Variants in CFAP44 observed in about 807,000 individuals in gnomAD.
CFAP44 encodes the protein cilia and flagella associated protein 44.
In CFAP44, 134 loss-of-function variants were observed where a neutral mutation model predicts 216.2. The ratio of observed to expected loss-of-function variants is 0.62; its 90% CI spans 0.54 to 0.72. The LOEUF (loss-of-function observed/expected upper bound fraction) is 0.72, where lower values mean the gene tolerates loss of function less well. Among genes scored for constraint, CFAP44 ranks in the 30% least tolerant of loss-of-function variants. The pLI is 0.00. For synonymous variants in CFAP44, 700 were observed against 727.6 expected, an observed-to-expected ratio of 0.96 and a Z score of 0.61; for missense variants, 2,035 against 2,182.1, an observed-to-expected ratio of 0.93 and a Z score of 1.34.
chr3:113,293,839 C>T, intron 34 of CFAP44: 1 of 313,824 alleles, frequency 3.2e-6, no homozygotes, highest in East Asian at 8.2e-5. Flanking sequence ...ACCAGTGATT[C>T]TTAAACTCTA....
At chr3:113,348,180 C>T (rs1434002245) in intron 22 of CFAP44, among the ~76,000 whole-genome samples, 1 of 152,128 alleles carries the variant, frequency 6.6e-6, no homozygotes, top group African/African-American at 2.4e-5. Context: ...GGTCCAGGGA[C>T]CATTGCAGGT....
chr3:113,425,885 A>G, intron 4 of CFAP44: 1 of 427,152 alleles, frequency 2.3e-6, no homozygotes, highest in East Asian at 3.6e-5. Context: ...AAGGTAGTAA[A>G]TAGTTTTTGC....
At chr3:113,353,117 G>C (rs1950460496) in intron 22 of CFAP44, among the ~76,000 whole-genome samples, 1 of 152,164 alleles carries the variant, frequency 6.6e-6, no homozygotes, top group East Asian at 1.9e-4. Flanking sequence ...GTGGGCACTT[G>C]ATCCCTGCAT....
chr3:113,373,520 A>C lies in CFAP44; in HGVS notation c.2335T>G (p.Phe779Val), dbSNP rs747787988. 6.2e-7 allele frequency: 1 copy of C among 1,601,178 alleles called. No individual in the cohort carries two copies. The highest frequency in any genetic ancestry group is 1.7e-5 in the Admixed American group (1 of 58,450). ...TCACTGCTTTCATCACAAGGGGGGAACTCACAGTGATATAGAAAACCAGAA... is the reference window on the plus strand; with the variant it reads ...TCACTGCTTTCATCACAAGGGGGGACCTCACAGTGATATAGAAAACCAGAA... ...YDSGFLYHCE[F>V]PPCDESSDFK... is the part of the protein sequence containing the mutation. Residue 779 changes from phenylalanine (F) to valine (V), a missense_variant, in exon 18 of 35, where the codon TTC (phenylalanine) becomes GTC (valine). Transcript: ENST00000393845.
At chr3:113,382,094 A>T (rs1234413404) in intron 15 of CFAP44, among the ~76,000 whole-genome samples, 1 of 152,188 alleles carries the variant, frequency 6.6e-6, no homozygotes, top group African/African-American at 2.4e-5. Flanking sequence ...TTGCTTTTAT[A>T]AGAAAATTGT....
At chr3:113,408,224 G>T in intron 7 of CFAP44, among the ~76,000 whole-genome samples, 1 of 152,228 alleles carries the variant, frequency 6.6e-6, no homozygotes, top group East Asian at 1.9e-4. Flanking sequence ...AGATTGTTAC[G>T]CAAATGCATG....
chr3:113,366,145 T>C lies in CFAP44; in HGVS notation c.2609A>G (p.Asp870Gly). ...TGCTCCAGCAGTCACCAAGAAACGATCATCAAAGCTATTAGCAATACTTTT... is the reference window on the plus strand; with the variant it reads ...TGCTCCAGCAGTCACCAAGAAACGACCATCAAAGCTATTAGCAATACTTTT... The part of the protein sequence containing the change: ...CIKSIANSFD[D>G]RFLVTAGADG... The change falls in exon 19 of 35, where the codon GAT (aspartate) becomes GGT (glycine). Residue 870 changes from aspartate (D) to glycine (G), a missense_variant. Around this residue, in one of 3 missense-constraint regions of CFAP44, gnomAD observed 1,883 missense variants for 2,023.7 expected, o/e 0.93. Coordinates refer to ENST00000393845, the MANE Select transcript of CFAP44 (RefSeq NM_001164496.2). The C allele has an allele frequency of 6.2e-7, 1 of 1,613,994 alleles. No homozygotes were observed. Among genetic ancestry groups the C allele is most frequent in the Non-Finnish European group, 8.5e-7 (1 of 1,179,978 alleles).
rs1190182565 is a variant in CFAP44, at chr3:113,404,611, T to C, written c.1006-595A>G. ...TACCAAGCACTGGTTCAGTACTTTA[T>C]ATATGTTAAGTTATTTAATGCAAAA... On this transcript the variant is annotated intron_variant, in intron 8 of 34. Coordinates refer to ENST00000393845, the MANE Select transcript of CFAP44 (RefSeq NM_001164496.2). Among the ~76,000 whole-genome samples the C allele has an allele frequency of 2.0e-5, 3 of 152,196 alleles. No individual in the cohort carries two copies. In the East Asian group the frequency reaches 5.8e-4, roughly 29 times the overall value.
At chr3:113,425,574 T>C (rs564948947) in intron 4 of CFAP44, among the ~76,000 whole-genome samples, 2 of 152,348 alleles carry the variant, frequency 1.3e-5, no homozygotes, top group East Asian at 1.9e-4. Context: ...AAAGTACTAA[T>C]GCCTTACAAT....
At position 113,366,147 on chromosome 3, in the gene CFAP44, A is replaced by G; in HGVS notation, c.2607T>C (p.Asp869=). 6.2e-7 allele frequency: 1 copy of G among 1,614,128 alleles called. No homozygotes were observed. Among genetic ancestry groups the G allele is most frequent in the Non-Finnish European group, 8.5e-7 (1 of 1,180,004 alleles). Residue 869 remains aspartate, a synonymous_variant, in exon 19 of 35, where the codon GAT becomes GAC. Transcript: ENST00000393845. The part of the protein sequence containing the change: ...GCIKSIANSF[D]DRFLVTAGAD... The stretch of plus-strand genomic sequence containing the variant: ...CTCCAGCAGTCACCAAGAAACGATC[A>G]TCAAAGCTATTAGCAATACTTTTAA...
chr3:113,337,916 T>C (rs1000962954), intron 24 of CFAP44, among the ~76,000 whole-genome samples: 1 of 151,816 alleles, frequency 6.6e-6, no homozygotes, highest in African/African-American at 2.4e-5. Context: ...ATAAGGAAAA[T>C]TGGTAAGTTG....
At chr3:113,323,433 A>C (rs1270341211) in intron 28 of CFAP44, among the ~76,000 whole-genome samples, 1 of 152,210 alleles carries the variant, frequency 6.6e-6, no homozygotes, top group Non-Finnish European at 1.5e-5. Flanking sequence ...CATGGACATA[A>C]GCACGGGAAC....
intron 15 of CFAP44, among the ~76,000 whole-genome samples, chr3:113,393,580 A>C (rs1933903757): frequency 6.6e-6 from 1 of 152,080 alleles, no homozygotes; most frequent in Non-Finnish European, 1.5e-5. Context: ...AGCTGGATGG[A>C]GCGCAGTGGC....
chr3:113,365,037 C>T (rs977305793), intron 19 of CFAP44, among the ~76,000 whole-genome samples: 2 of 151,858 alleles, frequency 1.3e-5, no homozygotes, highest in African/African-American at 4.8e-5. Context: ...TTTTTCTATC[C>T]AATATGGGTT....
At chr3:113,328,382 T>A (rs1249262444) in intron 26 of CFAP44, among the ~76,000 whole-genome samples, 2 of 151,382 alleles carry the variant, frequency 1.3e-5, no homozygotes, top group Non-Finnish European at 2.9e-5. Context: ...TGGTCCAGAC[T>A]TTAATCCATT....
chr3:113,291,847 T>A, intron 34 of CFAP44, 99 bp from the exon 35 acceptor site: 1 of 1,325,146 alleles, frequency 7.5e-7, no homozygotes, highest in East Asian at 2.5e-5. Context: ...GGCCTGACAG[T>A]CACCCTAAAC....
At chr3:113,404,779 C>A (rs949828673) in intron 8 of CFAP44, among the ~76,000 whole-genome samples, 1 of 152,076 alleles carries the variant, frequency 6.6e-6, no homozygotes, top group African/African-American at 2.4e-5. Context: ...TATTATTATC[C>A]CCATTTTACA....
In CFAP44 at chr3:113,421,255, A is replaced by T. The variant is rs894354727; in HGVS notation, c.408-1076T>A. Among the ~76,000 whole-genome samples, 5 of 152,196 alleles carry T rather than the reference A, an allele frequency of 3.3e-5. No individual in the cohort carries two copies. The East Asian group carries it at 9.6e-4, about 29-fold the overall frequency. ...ACATGAAAAACGCTCCACATCACTA[A>T]TCATCAGTGAGATGCAAATCAAAAC... On this transcript the variant is annotated intron_variant, in intron 4 of 34. Coordinates refer to ENST00000393845, the MANE Select transcript of CFAP44 (RefSeq NM_001164496.2).
intron 24 of CFAP44, 143 bp from the exon 25 acceptor site, chr3:113,333,726 C>A: frequency 2.1e-6 from 2 of 967,346 alleles, no homozygotes; most frequent in South Asian, 4.8e-5. Context: ...TGTCACAGAG[C>A]CCAAGCATTT....
Sources: allele counts gnomAD v4.1 joint callset (sites outside exome capture counted in the v4.1 genomes callset), GRCh38; gene constraint gnomAD v4.1.1; regional missense constraint gnomAD v4.1.1; transcripts MANE v1.5; gene names NCBI Gene and HGNC (gene_info 2026-07-23, HGNC 2026-07-21).